Variants in IGF2R observed in about 807,000 individuals in gnomAD.
IGF2R encodes the protein insulin like growth factor 2 receptor, also known as cation-independent mannose-6-phosphate receptor.
A neutral mutation model predicts 270.6 loss-of-function variants in IGF2R; 91 were observed. The ratio of observed to expected loss-of-function variants is 0.34; its 90% CI spans 0.28 to 0.40. IGF2R has a LOEUF of 0.40. IGF2R is among the 10% of genes least tolerant of loss of function. IGF2R has a pLI of 1.00. For missense variants in IGF2R, 2,805 were observed against 3,188.3 expected, an observed-to-expected ratio of 0.88 and a Z score of 2.90; for synonymous variants, 1,316 against 1,258.9, an observed-to-expected ratio of 1.05 and a Z score of -0.96.
intron 1 of IGF2R, among the ~76,000 whole-genome samples, chr6:159,984,676 G>A (rs1478342907): frequency 1.3e-5 from 2 of 152,200 alleles, no homozygotes; most frequent in Non-Finnish European, 2.9e-5. Flanking sequence ...CTATGTGTGT[G>A]CAGATACACT....
intron 30 of IGF2R, among the ~76,000 whole-genome samples, chr6:160,068,876 A>G (rs1778650612): frequency 1.3e-5 from 2 of 152,178 alleles, no homozygotes; most frequent in African/African-American, 4.8e-5. Context: ...AAACAGCAGG[A>G]CGAAGAATGA....
In IGF2R at chr6:160,063,566, C is replaced by A; in HGVS notation, c.3822C>A (p.Asp1274Glu). The change falls in exon 27 of 48, where the codon GAC (aspartate) becomes GAA (glutamate). Residue 1274 changes from aspartate to glutamate, a missense_variant. Asp to Glu is a conservative substitution (Grantham distance 45). Coordinates refer to ENST00000356956, the MANE Select transcript of IGF2R (RefSeq NM_000876.4). ...CCTCAGACGTCTGCCCCACAAGTGA[C>A]AAGTCCAAGGTGGTCTCCTCATGTC... ...KLSSDVCPTS[D>E]KSKVVSSCQE... 6.2e-7 allele frequency: 1 copy of A among 1,614,234 alleles called. No homozygotes were observed. The highest frequency in any genetic ancestry group is 8.5e-7 in the Non-Finnish European group (1 of 1,180,034).
chr6:160,047,836 T>C lies in IGF2R; in HGVS notation c.2274T>C (p.Tyr758=). The C allele has an allele frequency of 1.2e-6, 2 of 1,614,208 alleles. No homozygotes were observed. The highest frequency in any genetic ancestry group is 1.7e-6 in the Non-Finnish European group (2 of 1,179,994). The change falls in exon 17 of 48, where the codon TAT becomes TAC. Residue 758 remains tyrosine, a synonymous_variant. Coordinates refer to ENST00000356956, the MANE Select transcript of IGF2R (RefSeq NM_000876.4). ...STYNFRWYTS[Y]ACPEEPLECV... is the part of the protein sequence containing the mutation. ...ACAACTTCCGGTGGTACACCAGCTA[T>C]GCCTGCCCGGAGGAGCCCCTGGAAT...
chr6:159,979,621 T>C (rs1435971339), intron 1 of IGF2R, among the ~76,000 whole-genome samples: 3 of 152,194 alleles, frequency 2.0e-5, no homozygotes, highest in Non-Finnish European at 2.9e-5. Context: ...GAGAGTCCGC[T>C]GTCACCAGGC....
At chr6:160,093,883 C>A in intron 44 of IGF2R, 1 of 724,686 alleles carries the variant, frequency 1.4e-6, no homozygotes, top group Non-Finnish European at 2.6e-6. Flanking sequence ...CAGACAGGAC[C>A]ATTCAGGAGG....
intron 29 of IGF2R, among the ~76,000 whole-genome samples, chr6:160,065,523 G>T (rs1305370007): frequency 6.6e-6 from 1 of 152,060 alleles, no homozygotes; most frequent in Non-Finnish European, 1.5e-5. Context: ...CAAGCATTTA[G>T]TAATTTATGT....
At chr6:159,979,374 A>G (rs1349580211) in intron 1 of IGF2R, among the ~76,000 whole-genome samples, 1 of 151,764 alleles carries the variant, frequency 6.6e-6, no homozygotes, top group Non-Finnish European at 1.5e-5. Context: ...CAAGCCTGAG[A>G]CTCCAGTGAG....
In IGF2R at chr6:160,105,385, G is replaced by A. The variant is rs1779592078; in HGVS notation, c.*301G>A. The A allele has an allele frequency of 7.1e-6, 2 of 282,724 alleles. No homozygotes were observed. Among genetic ancestry groups the A allele is most frequent in the Non-Finnish European group, 6.6e-6 (1 of 151,094 alleles). The allele number at this position is 282,724 out of a possible 1,614,324, so 17.5% of individuals were successfully genotyped here. On this transcript the variant is annotated 3_prime_UTR_variant, in exon 48 of 48. Coordinates refer to ENST00000356956, the MANE Select transcript of IGF2R (RefSeq NM_000876.4). ...CGGACGCATCTCAAAACAGAGGGCTGCATTCGAAGAAACCCTTGCTGCTTT... is the reference window on the plus strand; with the variant it reads ...CGGACGCATCTCAAAACAGAGGGCTACATTCGAAGAAACCCTTGCTGCTTT...
chr6:160,045,666 C>T (rs1778052517), intron 13 of IGF2R, 79 bp from the exon 14 acceptor site: 2 of 1,561,780 alleles, frequency 1.3e-6, no homozygotes, highest in Middle Eastern at 1.7e-4. Flanking sequence ...TCCAAGTCTA[C>T]TTCTAGCAGA....
At chr6:160,013,253 C>T (rs1330998740) in intron 4 of IGF2R, among the ~76,000 whole-genome samples, 3 of 151,816 alleles carry the variant, frequency 2.0e-5, no homozygotes, top group African/African-American at 4.8e-5. Context: ...CAACTACAGC[C>T]CATGGTTCAA....
chr6:160,090,801 A>T (rs1779203951), intron 44 of IGF2R, among the ~76,000 whole-genome samples: 1 of 152,262 alleles, frequency 6.6e-6, no homozygotes, highest in African/African-American at 2.4e-5. Context: ...GTCCTCTGGG[A>T]GGGGAGAGTA....
chr6:160,059,116 T>C lies in IGF2R; in HGVS notation c.3091+18T>C. The C allele has an allele frequency of 6.2e-7, 1 of 1,607,824 alleles. No homozygotes were observed. The highest frequency in any genetic ancestry group is 8.5e-7 in the Non-Finnish European group (1 of 1,176,280). On this transcript the variant is annotated intron_variant, in intron 22 of 47. Transcript: ENST00000356956. ...TGCCAAAGGTGAGCTCAGAGCCATG[T>C]TGTTTTGTAGCTAAAAAGGGCCCTG...
chr6:160,008,887 GT>G (rs1385018928), intron 2 of IGF2R, 122 bp from the exon 3 acceptor site: 26 of 1,010,950 alleles, frequency 2.6e-5, no homozygotes, highest in Non-Finnish European at 3.8e-5. Context: ...GGAAAGGACA[GT>G]TTTATAAATT....
chr6:160,052,339 A>T, intron 19 of IGF2R, among the ~76,000 whole-genome samples: 1 of 152,218 alleles, frequency 6.6e-6, no homozygotes, highest in East Asian at 1.9e-4. Context: ...CACAATTGCT[A>T]CAGAGAGAAT....
chr6:160,003,046 G>C (rs1223926511), intron 2 of IGF2R, among the ~76,000 whole-genome samples: 1 of 152,118 alleles, frequency 6.6e-6, no homozygotes, highest in African/African-American at 2.4e-5. Flanking sequence ...ATTCTGTTTG[G>C]CTTCTTGTTG....
chr6:160,099,605 G>T (rs1345894180), intron 45 of IGF2R, among the ~76,000 whole-genome samples: 3 of 152,102 alleles, frequency 2.0e-5, no homozygotes, highest in Non-Finnish European at 4.4e-5. Context: ...CTGATCTTGT[G>T]ATCCGCCTGC....
At chr6:160,088,616 T>A (rs1176116056) in intron 42 of IGF2R, among the ~76,000 whole-genome samples, 1 of 152,184 alleles carries the variant, frequency 6.6e-6, no homozygotes, top group African/African-American at 2.4e-5. Flanking sequence ...TGTGAGCTGC[T>A]GTTTGTGAAC....
chr6:160,095,800 T>C (rs972490560), intron 44 of IGF2R: 2 of 152,572 alleles, frequency 1.3e-5, no homozygotes, highest in Non-Finnish European at 2.9e-5. Context: ...CTGACTTTCT[T>C]GACTCGCTGC....
At chr6:160,048,301 A>G in intron 17 of IGF2R, 74 bp from the exon 18 acceptor site, 1 of 1,410,226 alleles carries the variant, frequency 7.1e-7, no homozygotes, top group Non-Finnish European at 1.0e-6. Context: ...TTACTTCCCC[A>G]ACTACATAGA....
Sources: allele counts gnomAD v4.1 joint callset (sites outside exome capture counted in the v4.1 genomes callset), GRCh38; gene constraint gnomAD v4.1.1; transcripts MANE v1.5; gene names NCBI Gene and HGNC (gene_info 2026-07-23, HGNC 2026-07-21).